FBXO16: variants seen among roughly 807,000 people sequenced by gnomAD.
The protein encoded by FBXO16 is F-box only protein 16.
Under a neutral mutation model 41.0 loss-of-function variants are expected in FBXO16, and 31 were observed. The ratio of observed to expected loss-of-function variants is 0.76; its 90% CI spans 0.57 to 1.02. The LOEUF (loss-of-function observed/expected upper bound fraction) is 1.02, where lower values mean the gene tolerates loss of function less well. FBXO16 is among the 50% of genes least tolerant of loss of function. The pLI is 0.00. For missense variants in FBXO16, 361 were observed against 346.2 expected, an observed-to-expected ratio of 1.04 and a Z score of -0.34; for synonymous variants, 133 against 117.8, an observed-to-expected ratio of 1.13 and a Z score of -0.84.
At chr8:28,475,771 A>C (rs1429348221) in intron 2 of FBXO16, among the ~76,000 whole-genome samples, 1 of 152,214 alleles carries the variant, frequency 6.6e-6, no homozygotes, top group African/African-American at 2.4e-5. Context: ...TACAGAGTCC[A>C]TGGAAGGCCC....
chr8:28,449,559 G>T (rs1276822691), intron 6 of FBXO16, among the ~76,000 whole-genome samples: 1 of 152,008 alleles, frequency 6.6e-6, no homozygotes, highest in Non-Finnish European at 1.5e-5. Flanking sequence ...CTAGACTCAG[G>T]TGATACTTCT....
intron 7 of FBXO16, among the ~76,000 whole-genome samples, chr8:28,433,671 A>G (rs969071384): frequency 6.6e-6 from 1 of 152,218 alleles, no homozygotes; most frequent in Non-Finnish European, 1.5e-5. Context: ...ATCCTTGTTC[A>G]TTAATGATAA....
chr8:28,447,791 T>C (rs2130115876), intron 6 of FBXO16, among the ~76,000 whole-genome samples: 1 of 151,954 alleles, frequency 6.6e-6, no homozygotes, highest in African/African-American at 2.4e-5. Flanking sequence ...CCATCTCTAC[T>C]AAAAATACAA....
At chr8:28,432,894 T>C (rs1802629126) in intron 7 of FBXO16, among the ~76,000 whole-genome samples, 1 of 151,806 alleles carries the variant, frequency 6.6e-6, no homozygotes, top group African/African-American at 2.4e-5. Flanking sequence ...CCATCTCTAC[T>C]AAAAATACCA....
intron 3 of FBXO16, among the ~76,000 whole-genome samples, chr8:28,470,206 AT>A (rs1803312736): frequency 6.6e-6 from 1 of 152,132 alleles, no homozygotes; most frequent in Non-Finnish European, 1.5e-5. Flanking sequence ...AAAAAAAAAA[AT>A]AAAGTCATAA....
At chr8:28,439,207 C>T (rs1376208985) in intron 7 of FBXO16, among the ~76,000 whole-genome samples, 2 of 151,932 alleles carry the variant, frequency 1.3e-5, no homozygotes, top group Non-Finnish European at 2.9e-5. Flanking sequence ...AGGTAGGTGT[C>T]ATTATTCCCA....
At chr8:28,431,090 A>G (rs971760346) in intron 7 of FBXO16, among the ~76,000 whole-genome samples, 3 of 152,210 alleles carry the variant, frequency 2.0e-5, no homozygotes, top group African/African-American at 7.2e-5. Context: ...ATTTAACCCT[A>G]TTACCATGCA....
At chr8:28,429,170 T>A (rs1802570766) in intron 8 of FBXO16, among the ~76,000 whole-genome samples, 1 of 152,142 alleles carries the variant, frequency 6.6e-6, no homozygotes, top group Non-Finnish European at 1.5e-5. Flanking sequence ...AAATAGATAT[T>A]TTTTAGAGAT....
intron 3 of FBXO16, among the ~76,000 whole-genome samples, chr8:28,464,857 T>C (rs1803208178): frequency 6.6e-6 from 1 of 152,174 alleles, no homozygotes; most frequent in Admixed American, 6.5e-5. Context: ...TTTCACCATG[T>C]TGGTCAGGCT....
At chr8:28,486,231 C>CTT (rs77530234) in intron 1 of FBXO16, among the ~76,000 whole-genome samples, 1 of 144,436 alleles carries the variant, frequency 6.9e-6, no homozygotes, top group African/African-American at 2.5e-5. Context: ...TCTTCTTCTT[C>CTT]TTTTTTTTTT....
At position 28,454,464 on chromosome 8, in the gene FBXO16, G is replaced by C. The variant is rs975619659; in HGVS notation, c.508-1988C>G. ...TTAATTCTGGCCGGGCGCGGTGGCT[G>C]AAGCCTGTAATCCCAGCACTTTGGG... is the stretch of plus-strand genomic sequence containing the variant. On this transcript the variant is annotated intron_variant, in intron 5 of 8. Transcript: ENST00000380254. Among the ~76,000 whole-genome samples the C allele has an allele frequency of 5.3e-5, 8 of 151,366 alleles. No individual in the cohort carries two copies. In the East Asian group the frequency reaches 7.8e-4, roughly 15 times the overall value.
chr8:28,483,691 CAAAT>C (rs112634838), intron 1 of FBXO16, among the ~76,000 whole-genome samples: 20,292 of 151,520 alleles, frequency 0.13, 2,252 homozygotes, highest in African/African-American at 0.31. Flanking sequence ...AACAAACAAA[CAAAT>C]AAAAAATAGC....
chr8:28,470,410 C>T (rs900357214), intron 3 of FBXO16, among the ~76,000 whole-genome samples: 9 of 152,138 alleles, frequency 5.9e-5, no homozygotes, highest in African/African-American at 2.2e-4. Flanking sequence ...GGAGCAATAT[C>T]TTGGCACATG....
chr8:28,430,211 T>G (rs1347845867), intron 7 of FBXO16, among the ~76,000 whole-genome samples: 1 of 152,198 alleles, frequency 6.6e-6, no homozygotes, highest in African/African-American at 2.4e-5. Flanking sequence ...TAGCTGGGAC[T>G]ACAGGTATGC....
intron 1 of FBXO16, among the ~76,000 whole-genome samples, chr8:28,486,397 T>C (rs1387142189): frequency 2.0e-5 from 3 of 151,886 alleles, no homozygotes; most frequent in Admixed American, 2.0e-4. Flanking sequence ...GCTAATTTTA[T>C]AGTTTTAGTA....
intron 4 of FBXO16, among the ~76,000 whole-genome samples, chr8:28,458,533 T>C (rs931317452): frequency 2.0e-5 from 3 of 146,476 alleles, no homozygotes; most frequent in South Asian, 2.1e-4. Flanking sequence ...TTTTCTCCTC[T>C]TCTTCTTCTT....
At position 28,482,834 on chromosome 8, in the gene FBXO16, C is replaced by T. The variant is rs1803537737; in HGVS notation, c.99+514G>A. Among the ~76,000 whole-genome samples, 3 of 152,198 alleles carry T rather than the reference C, an allele frequency of 2.0e-5. No individual in the cohort carries two copies. The South Asian group carries it at 6.2e-4, about 32-fold the overall frequency. ...CCTCAGATGATCCACCTGCCTTGGC[C>T]TCCCAAAGTGCTGGGATTATAAGCA... On this transcript the variant is annotated intron_variant, in intron 2 of 8. Coordinates refer to ENST00000380254, the MANE Select transcript of FBXO16 (RefSeq NM_172366.4).
chr8:28,433,281 G>A (rs1426671332), intron 7 of FBXO16, among the ~76,000 whole-genome samples: 1 of 152,164 alleles, frequency 6.6e-6, no homozygotes, highest in African/African-American at 2.4e-5. Flanking sequence ...AAATAGAAGA[G>A]AAATGCAATG....
intron 7 of FBXO16, among the ~76,000 whole-genome samples, chr8:28,431,820 T>C (rs1802609481): frequency 6.6e-6 from 1 of 152,194 alleles, no homozygotes; most frequent in Non-Finnish European, 1.5e-5. Context: ...ATTAAGCTTG[T>C]TCATTTTTTG....
Sources: allele counts gnomAD v4.1 joint callset (sites outside exome capture counted in the v4.1 genomes callset), GRCh38; gene constraint gnomAD v4.1.1; transcripts MANE v1.5; gene names NCBI Gene and HGNC (gene_info 2026-07-23, HGNC 2026-07-21).